The following GCNT4 variants were observed in gnomAD, a reference collection of about 807,000 sequenced individuals.
The protein encoded by GCNT4 is beta-1,3-galactosyl-O-glycosyl-glycoprotein beta-1,6-N-acetylglucosaminyltransferase 4.
In GCNT4, 17 loss-of-function variants were observed where a neutral mutation model predicts 31.3. That is an observed-to-expected ratio of 0.54 (90% CI 0.37 to 0.81). The LOEUF (loss-of-function observed/expected upper bound fraction) is 0.81, where lower values mean the gene tolerates loss of function less well. Ranked by LOEUF, GCNT4 falls within the 40% of genes least tolerant of loss-of-function variation. GCNT4 has a pLI of 0.00. For missense variants in GCNT4, 503 were observed against 525.5 expected (o/e 0.96, Z 0.42); for synonymous variants, 158 against 190.6 (o/e 0.83, Z 1.41).
chr5:75,049,821 T>A (rs6867172), intron 2 of GCNT4, among the ~76,000 whole-genome samples: 3,274 of 152,306 alleles, frequency 0.021, 119 homozygotes, highest in African/African-American at 0.073. Context: ...GGCCTTAACT[T>A]TGCCATTCCT....
rs1415003048 is a variant in GCNT4 at position 75,026,631 on chromosome 5, T to G, written c.*2045A>C. On this transcript the variant is annotated 3_prime_UTR_variant, in exon 4 of 4. Coordinates refer to ENST00000652361, the MANE Select transcript of GCNT4 (RefSeq NM_001366737.1). ...TATTTTCAAACCACTTCATATACTATTTCAATCGATTCTCACAAAAAAAAA... is the reference window on the plus strand; with the variant it reads ...TATTTTCAAACCACTTCATATACTAGTTCAATCGATTCTCACAAAAAAAAA... 2.1e-5 allele frequency: 3 copies of G among 139,682 alleles called. No homozygotes were observed. The highest frequency in any genetic ancestry group is 8.6e-5 in the African/African-American group (3 of 34,832). 8.7% of individuals were successfully genotyped at this position (139,682 alleles called of 1,614,324 possible). A position where few individuals can be genotyped will look rare whatever the true frequency, so the allele number is the denominator to read the frequency against.
At chr5:75,031,244 T>C (rs541449478) in intron 3 of GCNT4, among the ~76,000 whole-genome samples, 7 of 152,160 alleles carry the variant, frequency 4.6e-5, no homozygotes, top group African/African-American at 1.7e-4. Context: ...CCGGCTAATT[T>C]TTTCTTTAGT....
At chr5:75,035,862 G>C (rs1743186483) in intron 3 of GCNT4, among the ~76,000 whole-genome samples, 1 of 152,150 alleles carries the variant, frequency 6.6e-6, no homozygotes, top group Non-Finnish European at 1.5e-5. Flanking sequence ...CCAGACCTGT[G>C]GCTTATTGTC....
At chr5:75,038,734 G>A (rs1040382080) in intron 3 of GCNT4, among the ~76,000 whole-genome samples, 1 of 152,188 alleles carries the variant, frequency 6.6e-6, no homozygotes, top group Non-Finnish European at 1.5e-5. Flanking sequence ...CTACCCTCAT[G>A]ATTTAATCAC....
At position 75,029,824 on chromosome 5, in the gene GCNT4, T is replaced by C. The variant is rs1743023800; in HGVS notation, c.214A>G (p.Asn72Asp). The change falls in exon 4 of 4, where the codon AAC becomes GAC. Residue 72 changes from asparagine to aspartate, a missense_variant. By Grantham distance (23) the Asn-to-Asp change is conservative. Transcript: ENST00000652361. ...TCCTGTTCATAGATACCCGAACAGT[T>C]AACTTCATACCTGACTTCATCCTTA... ...HVKDEVRYEV[N>D]CSGIYEQEPL... The C allele has an allele frequency of 6.2e-7, 1 of 1,614,032 alleles. No individual in the cohort carries two copies. Among genetic ancestry groups the C allele is most frequent in the South Asian group, 1.1e-5 (1 of 91,082 alleles).
chr5:75,026,665 A>C lies in GCNT4; in HGVS notation c.*2011T>G, dbSNP rs1282672813. The C allele has an allele frequency of 2.0e-5, 3 of 151,300 alleles. No individual in the cohort carries two copies. Among genetic ancestry groups the C allele is most frequent in the East Asian group, 1.9e-4 (1 of 5,184 alleles). The allele number at this position is 151,300 out of a possible 1,614,324, so 9.4% of individuals were successfully genotyped here. ...ATTCTCACAAAAAAAAAAAAAAAAA[A>C]AAAAAAACACTTGTGTGGAAGCAAG... On this transcript the variant is annotated 3_prime_UTR_variant, in exon 4 of 4. Coordinates refer to ENST00000652361, the MANE Select transcript of GCNT4 (RefSeq NM_001366737.1).
At chr5:75,031,770 G>A (rs1014876092) in intron 3 of GCNT4, among the ~76,000 whole-genome samples, 2 of 152,188 alleles carry the variant, frequency 1.3e-5, no homozygotes, top group Non-Finnish European at 2.9e-5. Context: ...GGAGGGTACA[G>A]ATGTACTTAT....
At chr5:75,033,669 A>AT (rs202147908) in intron 3 of GCNT4, among the ~76,000 whole-genome samples, 104 of 146,820 alleles carry the variant, frequency 7.1e-4, no homozygotes, top group East Asian at 1.4e-3. Context: ...TTATTTATTT[A>AT]TTTATTTTTT....
At chr5:75,033,766 C>T (rs1743132402) in intron 3 of GCNT4, among the ~76,000 whole-genome samples, 1 of 151,730 alleles carries the variant, frequency 6.6e-6, no homozygotes, top group Non-Finnish European at 1.5e-5. Flanking sequence ...TTTGCTGCAC[C>T]TATCAACCCG....
rs1303558307 is a variant in GCNT4 at position 75,027,337 on chromosome 5, A to ATATAATAAT, written c.*1338_*1339insATTATTATA. On this transcript the variant is annotated 3_prime_UTR_variant, in exon 4 of 4. Transcript: ENST00000652361. Reference sequence around the variant, plus strand: ...GTATATATAATATATATTCATATACAATATATGTATATATAATATATATAT... The same window carrying ATATAATAAT: ...GTATATATAATATATATTCATATACATATAATAATATATATGTATATATAATATATATAT... The ATATAATAAT allele has an allele frequency of 6.2e-5, 3 of 48,006 alleles. No homozygotes were observed. Among genetic ancestry groups the ATATAATAAT allele is most frequent in the African/African-American group, 2.3e-4 (3 of 13,256 alleles). 3.0% of individuals were successfully genotyped at this position (48,006 alleles called of 1,614,324 possible).
chr5:75,040,632 A>G (rs575316119), intron 3 of GCNT4, among the ~76,000 whole-genome samples: 1 of 152,328 alleles, frequency 6.6e-6, no homozygotes, highest in African/African-American at 2.4e-5. Context: ...GATGTAATGT[A>G]TGTGAAAGTC....
the GCNT4 span, among the ~76,000 whole-genome samples, chr5:75,019,748 G>T: frequency 6.6e-6 from 1 of 152,146 alleles, no homozygotes; most frequent in Non-Finnish European, 1.5e-5. Context: ...ATATACACAA[G>T]GAGCTGAGAC....
chr5:75,042,765 G>A (rs73122601), intron 3 of GCNT4, among the ~76,000 whole-genome samples: 17,249 of 152,186 alleles, frequency 0.11, 1,064 homozygotes, highest in African/African-American at 0.16. Context: ...ACATGCTTCT[G>A]CACTTCCACT....
At chr5:75,037,244 G>T (rs1055608534) in intron 3 of GCNT4, among the ~76,000 whole-genome samples, 1 of 152,180 alleles carries the variant, frequency 6.6e-6, no homozygotes, top group East Asian at 1.9e-4. Context: ...AAGCCCAGGG[G>T]ATGTTCTGGA....
At chr5:75,047,664 C>T (rs1050598056) in intron 3 of GCNT4, 3 of 152,060 alleles carry the variant, frequency 2.0e-5, no homozygotes, top group African/African-American at 7.2e-5. Context: ...ATTATATTAC[C>T]TAATTGTACT....
In GCNT4 at chr5:75,043,499, A is replaced by G. The variant is rs541430318; in HGVS notation, c.-2+4398T>C. On this transcript the variant is annotated intron_variant, in intron 3 of 3. Coordinates refer to ENST00000652361, the MANE Select transcript of GCNT4 (RefSeq NM_001366737.1). The stretch of plus-strand genomic sequence containing the variant: ...TGTGGGATTTTGGGAAAGTTTTCCT[A>G]TAGGAGCCTGATTCAGGTAGGAGGT... Among the ~76,000 whole-genome samples the G allele has an allele frequency of 4.7e-4, 72 of 152,302 alleles. 1 individual carries two copies. The highest frequency in any genetic ancestry group is 6.8e-3 in the Middle Eastern group (2 of 294).
At chr5:75,053,611 C>T (rs1173882791), upstream of GCNT4, among the ~76,000 whole-genome samples, 1 of 152,066 alleles carries the variant, frequency 6.6e-6, no homozygotes, top group Admixed American at 6.5e-5. Context: ...CCAGGCTCTC[C>T]GCGGCGGCTC....
At chr5:75,018,999 C>G in the GCNT4 span, among the ~76,000 whole-genome samples, 1 of 152,128 alleles carries the variant, frequency 6.6e-6, no homozygotes, top group African/African-American at 2.4e-5. Context: ...TCCTGGCTTA[C>G]TTTTATAAGC....
intron 3 of GCNT4, among the ~76,000 whole-genome samples, chr5:75,040,416 C>G (rs1452046017): frequency 6.6e-6 from 1 of 152,100 alleles, no homozygotes; most frequent in Non-Finnish European, 1.5e-5. Context: ...ACTACTTTAC[C>G]CCCAGTATTA....
Sources: allele counts gnomAD v4.1 joint callset (sites outside exome capture counted in the v4.1 genomes callset), GRCh38; gene constraint gnomAD v4.1.1; transcripts MANE v1.5; gene names NCBI Gene and HGNC (gene_info 2026-07-23, HGNC 2026-07-21).